LPP: variants seen among roughly 807,000 people sequenced by gnomAD.
The protein encoded by LPP is LIM domain containing preferred translocation partner in lipoma.
Under a neutral mutation model 60.4 loss-of-function variants are expected in LPP, and 38 were observed. The ratio of observed to expected loss-of-function variants is 0.63; its 90% CI spans 0.49 to 0.83. The LOEUF (loss-of-function observed/expected upper bound fraction) is 0.83. Ranked by LOEUF, LPP falls within the 40% of genes least tolerant of loss-of-function variation. The pLI is 0.00. For synonymous variants in LPP, 328 were observed against 290.8 expected (o/e 1.13, Z -1.30); for missense variants, 902 against 783.6 (o/e 1.15, Z -1.80).
chr3:188,294,600 T>C (rs1747227288), intron 2 of LPP, among the ~76,000 whole-genome samples: 1 of 152,208 alleles, frequency 6.6e-6, no homozygotes, highest in African/African-American at 2.4e-5. Context: ...TTTAAAAATT[T>C]ATACTTTCTC....
intron 4 of LPP, among the ~76,000 whole-genome samples, chr3:188,476,741 T>C (rs149289594): frequency 2.2e-4 from 33 of 152,284 alleles, no homozygotes; most frequent in African/African-American, 7.7e-4. Context: ...AATAGAAAGG[T>C]TAATTTTTCT....
At chr3:188,319,182 A>G (rs2150361600) in intron 2 of LPP, among the ~76,000 whole-genome samples, 1 of 152,324 alleles carries the variant, frequency 6.6e-6, no homozygotes, top group South Asian at 2.1e-4. Context: ...TGTGTTGGCT[A>G]AGCACCTTGT....
intron 2 of LPP, among the ~76,000 whole-genome samples, chr3:188,280,328 C>T (rs923180258): frequency 5.3e-5 from 8 of 152,136 alleles, no homozygotes; most frequent in Admixed American, 3.9e-4. Flanking sequence ...GTGGAATCGA[C>T]ATCATTAGGA....
intron 8 of LPP, chr3:188,746,620 C>T (rs978753208): frequency 2.2e-6 from 1 of 458,110 alleles, no homozygotes; most frequent in Non-Finnish European, 4.4e-6. Context: ...TGCAAGAAAC[C>T]GTTACTGAGC....
chr3:188,592,461 TAA>T (rs1838952812), intron 6 of LPP, among the ~76,000 whole-genome samples: 1 of 151,920 alleles, frequency 6.6e-6, no homozygotes, highest in Non-Finnish European at 1.5e-5. Context: ...TTGTTATCAC[TAA>T]AGTTTTGAAC....
chr3:188,237,854 G>A (rs1722467875), intron 2 of LPP, among the ~76,000 whole-genome samples: 1 of 152,168 alleles, frequency 6.6e-6, no homozygotes. Flanking sequence ...TCAACTTAAA[G>A]TCACCAGCCA....
intron 6 of LPP, among the ~76,000 whole-genome samples, chr3:188,601,153 T>C (rs905474743): frequency 6.6e-6 from 1 of 152,174 alleles, no homozygotes; most frequent in Non-Finnish European, 1.5e-5. Context: ...ATTATTGATA[T>C]ATTTTGAAAT....
Position 188,884,687 on chromosome 3 carries a change from G to C in LPP, c.*10208G>C. On this transcript the variant is annotated 3_prime_UTR_variant, in exon 12 of 12. Transcript: ENST00000617246. ...CATTTAGAATTCATTGGCATGTAGA[G>C]GTGACTCGATTCCTAAAAGAAGCCT... 4.4e-6 allele frequency: 1 copy of C among 228,176 alleles called. No individual in the cohort carries two copies. The highest frequency in any genetic ancestry group is 8.7e-6 in the Non-Finnish European group (1 of 114,868). 14.1% of individuals were successfully genotyped at this position (228,176 alleles called of 1,614,324 possible).
chr3:188,754,001 A>T (rs1729235141), intron 8 of LPP, among the ~76,000 whole-genome samples: 3 of 152,342 alleles, frequency 2.0e-5, no homozygotes, highest in East Asian at 3.9e-4. Context: ...CAATAACCAT[A>T]GGAGATTGCA....
At chr3:188,376,976 G>T (rs1187014096) in intron 3 of LPP, among the ~76,000 whole-genome samples, 1 of 152,122 alleles carries the variant, frequency 6.6e-6, no homozygotes, top group African/African-American at 2.4e-5. Flanking sequence ...GCTTAGTTTG[G>T]CTGGATATGA....
intron 7 of LPP, among the ~76,000 whole-genome samples, chr3:188,664,313 CT>C (rs1855277563): frequency 6.6e-6 from 1 of 152,176 alleles, no homozygotes; most frequent in Admixed American, 6.5e-5. Context: ...AGATGTGTTT[CT>C]TACTGGTTCA....
At chr3:188,202,158 C>G (rs1041793458) in intron 1 of LPP, among the ~76,000 whole-genome samples, 8 of 151,892 alleles carry the variant, frequency 5.3e-5, no homozygotes, top group South Asian at 2.1e-4. Flanking sequence ...AGAGCAGAAA[C>G]GTAGCCTCGT....
intron 7 of LPP, among the ~76,000 whole-genome samples, chr3:188,676,872 T>C (rs1352698630): frequency 6.6e-6 from 1 of 152,138 alleles, no homozygotes; most frequent in Non-Finnish European, 1.5e-5. Flanking sequence ...TTGTGTGTGA[T>C]TGTGTTATAT....
intron 7 of LPP, among the ~76,000 whole-genome samples, chr3:188,705,559 A>G (rs889365143): frequency 6.6e-6 from 1 of 152,046 alleles, no homozygotes; most frequent in Non-Finnish European, 1.5e-5. Flanking sequence ...TCCAATATTC[A>G]TGTTTATGCA....
At chr3:188,290,508 C>T in intron 2 of LPP, among the ~76,000 whole-genome samples, 1 of 152,070 alleles carries the variant, frequency 6.6e-6, no homozygotes, top group East Asian at 1.9e-4. Flanking sequence ...TGCCGTGCTT[C>T]AGTGGTAGCA....
At chr3:188,495,082 A>T (rs868241101) in intron 5 of LPP, among the ~76,000 whole-genome samples, 1,193 of 97,238 alleles carry the variant, frequency 0.012, 100 homozygotes, top group African/African-American at 0.045. Context: ...ATATATATAT[A>T]TTTTATTTAT....
intron 2 of LPP, among the ~76,000 whole-genome samples, chr3:188,311,187 G>GCTCTCT (rs10662292): frequency 3.4e-5 from 5 of 148,406 alleles, no homozygotes; most frequent in South Asian, 2.1e-4. Context: ...TATTTTATAT[G>GCTCTCT]CTCTCTCTCT....
intron 8 of LPP, among the ~76,000 whole-genome samples, chr3:188,723,552 C>T (rs892633370): frequency 2.6e-5 from 4 of 152,054 alleles, no homozygotes; most frequent in South Asian, 2.1e-4. Flanking sequence ...AGCAGGGAGA[C>T]GGCAGACATA....
chr3:188,668,077 T>A (rs1198261622), intron 7 of LPP, among the ~76,000 whole-genome samples: 1 of 152,192 alleles, frequency 6.6e-6, no homozygotes, highest in African/African-American at 2.4e-5. Flanking sequence ...GTCCTGCTGT[T>A]GCTTGCCACA....
Sources: allele counts gnomAD v4.1 joint callset (sites outside exome capture counted in the v4.1 genomes callset), GRCh38; gene constraint gnomAD v4.1.1; transcripts MANE v1.5; gene names NCBI Gene and HGNC (gene_info 2026-07-23, HGNC 2026-07-21).